Variants in SYN3 observed in about 807,000 individuals in gnomAD.
SYN3 encodes the protein synapsin III.
Under a neutral mutation model 65.8 loss-of-function variants are expected in SYN3, and 35 were observed. That is an observed-to-expected ratio of 0.53 (90% CI 0.41 to 0.70). The LOEUF is 0.70. SYN3 is among the 30% of genes least tolerant of loss of function. SYN3 has a pLI of 0.00. For missense variants in SYN3, 680 were observed against 749.0 expected (o/e 0.91, Z 1.08); for synonymous variants, 270 against 292.9 (o/e 0.92, Z 0.80).
intron 4 of SYN3, among the ~76,000 whole-genome samples, chr22:32,910,236 C>T (rs561305280): frequency 1.3e-5 from 2 of 152,142 alleles, no homozygotes; most frequent in Non-Finnish European, 2.9e-5. Flanking sequence ...TTTCTGGAAA[C>T]ATTTTTACTT....
intron 3 of SYN3, among the ~76,000 whole-genome samples, chr22:32,962,282 C>T (rs1342384544): frequency 6.6e-6 from 1 of 151,714 alleles, no homozygotes; most frequent in Non-Finnish European, 1.5e-5. Flanking sequence ...TCTACAGGCG[C>T]CTGCCACCTC....
chr22:32,733,740 G>A (rs1043588653), intron 6 of SYN3, among the ~76,000 whole-genome samples: 41 of 152,206 alleles, frequency 2.7e-4, no homozygotes, highest in African/African-American at 9.7e-4. Flanking sequence ...TTCATGTGAT[G>A]CTCTTGAAGC....
rs546604864 is a variant in SYN3 at position 32,606,746 on chromosome 22, T to TA, written c.712-10011dup. On this transcript the variant is annotated intron_variant, in intron 6 of 13. Transcript: ENST00000358763. ...ACAGGGGCTTTGCATATGCTGTTTTTATTGCCTGCAGCGAAGTCCCTCTCT... is the reference window on the plus strand; with the variant it reads ...ACAGGGGCTTTGCATATGCTGTTTTTAATTGCCTGCAGCGAAGTCCCTCTCT... Among the ~76,000 whole-genome samples, 48 of 152,306 alleles carry TA rather than the reference T, an allele frequency of 3.2e-4. No homozygotes were observed. In the South Asian group the frequency reaches 3.5e-3, roughly 11 times the overall value.
At chr22:32,642,468 T>C (rs1350495103) in intron 6 of SYN3, among the ~76,000 whole-genome samples, 1 of 151,454 alleles carries the variant, frequency 6.6e-6, no homozygotes, top group African/African-American at 2.4e-5. Flanking sequence ...TGAGATGGAG[T>C]CTTGCTCTGT....
intron 3 of SYN3, among the ~76,000 whole-genome samples, chr22:32,958,642 G>A (rs1292184963): frequency 6.6e-6 from 1 of 152,162 alleles, no homozygotes; most frequent in Non-Finnish European, 1.5e-5. Context: ...ACTAGTCTAA[G>A]GGCTTTGCAT....
chr22:32,529,077 A>G, intron 10 of SYN3, 69 bp from the exon 11 acceptor site: 1 of 1,599,866 alleles, frequency 6.3e-7, no homozygotes, highest in Non-Finnish European at 8.5e-7. Context: ...ATCACATCCC[A>G]GAAGTGGGGG....
chr22:33,018,443 G>A (rs527524987), intron 1 of SYN3, among the ~76,000 whole-genome samples: 2 of 152,282 alleles, frequency 1.3e-5, no homozygotes, highest in East Asian at 3.9e-4. Flanking sequence ...AACCACTAGA[G>A]GGCAGGAGTG....
rs577860117 is a variant in SYN3, at chr22:32,988,074, C to T, written c.312-7372G>A. 1.1e-4 allele frequency among the ~76,000 whole-genome samples: 16 copies of T among 151,636 alleles called. No homozygotes were observed. The South Asian group carries it at 3.1e-3, about 30-fold the overall frequency. ...CTGTAATCCCAACACTTTGGGAGGC[C>T]GAGGTGGGCGGTTCACGAGGTCAAG... On this transcript the variant is annotated intron_variant, in intron 2 of 13. Coordinates refer to ENST00000358763, the MANE Select transcript of SYN3 (RefSeq NM_003490.4).
intron 6 of SYN3, among the ~76,000 whole-genome samples, chr22:32,763,469 A>G (rs1569205644): frequency 6.6e-6 from 1 of 152,204 alleles, no homozygotes; most frequent in Non-Finnish European, 1.5e-5. Context: ...TAATCTTAAG[A>G]GTACTTCTTG....
chr22:33,000,678 G>C (rs1421885031), intron 2 of SYN3, among the ~76,000 whole-genome samples: 1 of 152,216 alleles, frequency 6.6e-6, no homozygotes, highest in Non-Finnish European at 1.5e-5. Context: ...TGGGTTCACT[G>C]TCTGTCCAGA....
intron 6 of SYN3, among the ~76,000 whole-genome samples, chr22:32,831,719 CCTT>C (rs2047579907): frequency 6.6e-6 from 1 of 152,150 alleles, no homozygotes; most frequent in Non-Finnish European, 1.5e-5. Context: ...CCTGCCCCTC[CCTT>C]CCTGGCATTA....
intron 10 of SYN3, among the ~76,000 whole-genome samples, chr22:32,531,114 C>T (rs1401158612): frequency 6.9e-6 from 1 of 144,690 alleles, no homozygotes; most frequent in Non-Finnish European, 1.5e-5. Flanking sequence ...TTCCTCTTCC[C>T]TCTTTCCCCT....
intron 1 of SYN3, among the ~76,000 whole-genome samples, chr22:33,046,627 G>A (rs1422664992): frequency 1.3e-5 from 2 of 152,068 alleles, no homozygotes; most frequent in Non-Finnish European, 2.9e-5. Flanking sequence ...TGGATCACGA[G>A]GTCAGGAGCT....
Position 32,972,538 on chromosome 22 carries a change from C to A in SYN3, c.369+8107G>T, listed in dbSNP as rs531088775. 1.2e-4 allele frequency among the ~76,000 whole-genome samples: 19 copies of A among 152,280 alleles called. 1 individual carries two copies. The highest frequency in any genetic ancestry group is 3.4e-4 in the African/African-American group (14 of 41,556). On this transcript the variant is annotated intron_variant, in intron 3 of 13. Transcript: ENST00000358763. ...AATCTGCATTCCCCAGATCCTTTTG[C>A]CACATAATTTCAGCTCATTTCTACC...
intron 6 of SYN3, among the ~76,000 whole-genome samples, chr22:32,598,917 A>T (rs1025834037): frequency 3.3e-5 from 5 of 152,178 alleles, no homozygotes; most frequent in African/African-American, 9.7e-5. Flanking sequence ...CACTATAAAA[A>T]CTTTGCAAAA....
chr22:32,922,281 C>T (rs1450047977), intron 4 of SYN3, among the ~76,000 whole-genome samples: 1 of 152,160 alleles, frequency 6.6e-6, no homozygotes, highest in Non-Finnish European at 1.5e-5. Flanking sequence ...CCTAGCTTTG[C>T]CACTTATTGG....
chr22:32,570,307 G>T (rs975339902), intron 7 of SYN3, among the ~76,000 whole-genome samples: 1 of 152,146 alleles, frequency 6.6e-6, no homozygotes, highest in African/African-American at 2.4e-5. Context: ...TGTCTGTCTG[G>T]CTCCCTTGTG....
intron 6 of SYN3, among the ~76,000 whole-genome samples, chr22:32,727,046 C>T (rs1433751062): frequency 2.6e-5 from 4 of 151,740 alleles, no homozygotes; most frequent in East Asian, 1.9e-4. Context: ...TCCTTACATA[C>T]GTGGCCATGG....
At chr22:32,737,233 T>A (rs2061346541) in intron 6 of SYN3, among the ~76,000 whole-genome samples, 1 of 152,238 alleles carries the variant, frequency 6.6e-6, no homozygotes, top group African/African-American at 2.4e-5. Flanking sequence ...GGTACTTGTA[T>A]TCTCCTCATT....
Sources: allele counts gnomAD v4.1 joint callset (sites outside exome capture counted in the v4.1 genomes callset), GRCh38; gene constraint gnomAD v4.1.1; transcripts MANE v1.5; gene names NCBI Gene and HGNC (gene_info 2026-07-23, HGNC 2026-07-21).